Variants in PRKCD observed in about 807,000 individuals in gnomAD.
PRKCD encodes protein kinase C delta.
Under a neutral mutation model 82.2 loss-of-function variants are expected in PRKCD, and 20 were observed. The observed-to-expected ratio is 0.24, with a 90% CI of 0.17 to 0.35. The LOEUF is 0.35. Ranked by LOEUF, PRKCD falls within the 10% of genes least tolerant of loss-of-function variation. The pLI, the probability that PRKCD is intolerant of heterozygous loss-of-function variation, is 1.00. For missense variants in PRKCD, 607 were observed against 899.0 expected (o/e 0.68, Z 4.15); for synonymous variants, 317 against 337.0 (o/e 0.94, Z 0.65).
intron 1 of PRKCD, among the ~76,000 whole-genome samples, chr3:53,164,762 G>A (rs202084992): frequency 2.0e-5 from 3 of 152,002 alleles, no homozygotes. Context: ...GTGGTACTTT[G>A]TTGCACCCTA....
At position 53,188,716 on chromosome 3, in the gene PRKCD, T is replaced by G; in HGVS notation, c.1416-4T>G. The G allele has an allele frequency of 3.1e-6, 5 of 1,614,214 alleles. No individual in the cohort carries two copies. The highest frequency in any genetic ancestry group is 4.2e-6 in the Non-Finnish European group (5 of 1,180,026). ...GCTGACTCTTACCTGTCCCCTGTCCTTAGGGACCTCAAACTGGACAATGTG... is the reference window on the plus strand; with the variant it reads ...GCTGACTCTTACCTGTCCCCTGTCCGTAGGGACCTCAAACTGGACAATGTG... On this transcript the variant is annotated splice_polypyrimidine_tract_variant and splice_region_variant and intron_variant, in intron 15 of 18. Coordinates refer to ENST00000330452, the MANE Select transcript of PRKCD (RefSeq NM_006254.4).
In PRKCD at chr3:53,179,522, C is replaced by A. The variant is rs2035451; in HGVS notation, c.116-55C>A. 2.5e-6 allele frequency: 4 copies of A among 1,609,142 alleles called. No homozygotes were observed. In the Admixed American group the frequency reaches 6.7e-5, roughly 27 times the overall value. ...GCCAGGGGAAGGCCGTGGAGGTCTA[C>A]GAGGGAGGGACAGAGGGGCCATGGC... is the stretch of plus-strand genomic sequence containing the variant. On this transcript the variant is annotated intron_variant, in intron 3 of 18. Coordinates refer to ENST00000330452, the MANE Select transcript of PRKCD (RefSeq NM_006254.4).
chr3:53,185,845 C>T lies in PRKCD; in HGVS notation c.986-82C>T, dbSNP rs543725147. The T allele has an allele frequency of 5.2e-6, 8 of 1,546,512 alleles. No individual in the cohort carries two copies. In the South Asian group the frequency reaches 5.6e-5, roughly 11 times the overall value. On this transcript the variant is annotated intron_variant, in intron 11 of 18. Transcript: ENST00000330452. ...AGCCCCTTCCTCTCTGAGGCCCCTTCCCCCAGCCTACCCCAGGCCCCGGGG... is the reference window on the plus strand; with the variant it reads ...AGCCCCTTCCTCTCTGAGGCCCCTTTCCCCAGCCTACCCCAGGCCCCGGGG...
At chr3:53,191,367 C>T (rs9847580) in intron 18 of PRKCD, among the ~76,000 whole-genome samples, 21,595 of 152,170 alleles carry the variant, frequency 0.14, 1,640 homozygotes, top group Non-Finnish European at 0.16. Context: ...GAGATCGTGC[C>T]ACTGCACTCC....
At chr3:53,164,585 T>C (rs1702774721) in intron 1 of PRKCD, among the ~76,000 whole-genome samples, 1 of 141,594 alleles carries the variant, frequency 7.1e-6, no homozygotes, top group Non-Finnish European at 1.5e-5. Flanking sequence ...CCTGCCACAT[T>C]AAAAAAAAAA....
chr3:53,186,749 T>C (rs1575542506), intron 14 of PRKCD, 54 bp downstream of exon 14: 1 of 613,112 alleles, frequency 1.6e-6, no homozygotes, highest in East Asian at 3.3e-5. Context: ...GGCTACTGGC[T>C]CAGAGCCCAC....
rs782191905 is a variant in PRKCD, at chr3:53,184,855, CG to C, written c.788-18del. 2 of 1,611,616 alleles carry C rather than the reference CG, an allele frequency of 1.2e-6. No individual in the cohort carries two copies. The highest frequency in any genetic ancestry group is 2.2e-5 in the South Asian group (2 of 91,000). ...GGCTGAGCTCTGAGACTGACAGCCC[CG>C]CTTCTCCCTCACCCCAGACTGCGGC... is the stretch of plus-strand genomic sequence containing the variant. On this transcript the variant is annotated intron_variant, in intron 9 of 18. Transcript: ENST00000330452.
intron 16 of PRKCD, 94 bp downstream of exon 16, chr3:53,188,952 G>A: frequency 6.3e-7 from 1 of 1,585,158 alleles, no homozygotes; most frequent in Non-Finnish European, 8.6e-7. Context: ...TGATGTCCAA[G>A]CCAAAGCCCA....
rs1333103663 is a variant in PRKCD at position 53,179,589 on chromosome 3, C to T, written c.128C>T (p.Thr43Ile). Residue 43 changes from threonine to isoleucine, a missense_variant, in exon 4 of 19, where the codon ACA becomes ATA. By Grantham distance (89) the Thr-to-Ile change is moderately conservative. Transcript: ENST00000330452. ...GGCCTTGTTGCAGAGCGTGGGAAAA[C>T]ACTGGTGCAGAAGAAGCCGACCATG... ...KEALSTERGK[T>I]LVQKKPTMYP... 1 of 1,614,192 alleles carries T rather than the reference C, an allele frequency of 6.2e-7. No individual in the cohort carries two copies. The highest frequency in any genetic ancestry group is 1.3e-5 in the African/African-American group (1 of 75,048).
intron 2 of PRKCD, among the ~76,000 whole-genome samples, chr3:53,171,764 G>A (rs1330458134): frequency 6.6e-6 from 1 of 152,234 alleles, no homozygotes; most frequent in Non-Finnish European, 1.5e-5. Context: ...TGGGGGCTGG[G>A]AAATGAGACA....
At chr3:53,179,107 G>A (rs1178592711) in intron 3 of PRKCD, among the ~76,000 whole-genome samples, 1 of 152,186 alleles carries the variant, frequency 6.6e-6, no homozygotes, top group Non-Finnish European at 1.5e-5. Context: ...TGACCCTTAG[G>A]CTTGACCCTG....
Position 53,181,234 on chromosome 3 carries a change from T to A in PRKCD, c.343T>A (p.Leu115Met). Residue 115 changes from leucine to methionine, a missense_variant, in exon 5 of 19, where the codon TTG becomes ATG. Around this residue, in one of 5 missense-constraint regions of PRKCD, gnomAD observed 161 missense variants for 227.0 expected, o/e 0.71. Coordinates refer to ENST00000330452, the MANE Select transcript of PRKCD (RefSeq NM_006254.4). Reference sequence around the variant, plus strand: ...GGACCTGCAGCCTCAGGCCAAGGTGTTGATGTCTGTTCAGTATTTCCTGGA... The same window carrying A: ...GGACCTGCAGCCTCAGGCCAAGGTGATGATGTCTGTTCAGTATTTCCTGGA... The part of the protein sequence containing the change: ...WLDLQPQAKV[L>M]MSVQYFLEDV... The A allele has an allele frequency of 1.9e-6, 3 of 1,613,938 alleles. No individual in the cohort carries two copies. The highest frequency in any genetic ancestry group is 2.5e-6 in the Non-Finnish European group (3 of 1,179,904).
chr3:53,176,110 C>A (rs1243361021), intron 2 of PRKCD, among the ~76,000 whole-genome samples: 1 of 152,188 alleles, frequency 6.6e-6, no homozygotes, highest in Non-Finnish European at 1.5e-5. Context: ...CCCCAACTGG[C>A]CCTCTCTCCC....
At position 53,181,607 on chromosome 3, in the gene PRKCD, G is replaced by T; in HGVS notation, c.539+1G>T. Reference sequence around the variant, plus strand: ...GTTCTGTGTGCAAAGACTTTGTCTGGTGAGAACCGGCCATGCCCACTGGTG... The same window carrying T: ...GTTCTGTGTGCAAAGACTTTGTCTGTTGAGAACCGGCCATGCCCACTGGTG... On this transcript the variant is annotated splice_donor_variant, in intron 6 of 18. Transcript: ENST00000330452. LOFTEE classifies it high-confidence loss of function. The T allele has an allele frequency of 6.2e-7, 1 of 1,614,224 alleles. No homozygotes were observed. The highest frequency in any genetic ancestry group is 8.5e-7 in the Non-Finnish European group (1 of 1,180,034).
chr3:53,192,702 C>T lies in PRKCD; in HGVS notation c.*436C>T, dbSNP rs1471439209. 1 of 148,734 alleles carries T rather than the reference C, an allele frequency of 6.7e-6. No individual in the cohort carries two copies. The highest frequency in any genetic ancestry group is 2.5e-5 in the African/African-American group (1 of 40,198). The allele number at this position is 148,734 out of a possible 1,614,324, so 9.2% of individuals were successfully genotyped here. A position where few individuals can be genotyped will look rare whatever the true frequency, so the allele number is the denominator to read the frequency against. ...AGGTTTATTTGTGTGTCTAAATAAA[C>T]ACCAAATAGTACCAACCTGGTTGTC... On this transcript the variant is annotated 3_prime_UTR_variant, in exon 19 of 19. Coordinates refer to ENST00000330452, the MANE Select transcript of PRKCD (RefSeq NM_006254.4).
chr3:53,163,360 G>A (rs1424660092), intron 1 of PRKCD, among the ~76,000 whole-genome samples: 1 of 151,770 alleles, frequency 6.6e-6, no homozygotes, highest in South Asian at 2.1e-4. Flanking sequence ...GGGAGGGAAG[G>A]TGAGAGCCCA....
intron 5 of PRKCD, 67 bp from the exon 6 acceptor site, chr3:53,181,377 G>A: frequency 6.2e-7 from 1 of 1,610,744 alleles, no homozygotes; most frequent in East Asian, 2.2e-5. Context: ...GACCACCCTG[G>A]GAGGGACTGT....
intron 7 of PRKCD, among the ~76,000 whole-genome samples, chr3:53,182,426 G>T (rs1239673288): frequency 6.6e-6 from 1 of 152,020 alleles, no homozygotes. Flanking sequence ...GCACCACCAT[G>T]CCCGGCTAAT....
chr3:53,192,433 T>A lies in PRKCD; in HGVS notation c.*167T>A, dbSNP rs545110385. 1.2e-5 allele frequency: 8 copies of A among 668,762 alleles called. No individual in the cohort carries two copies. The South Asian group carries it at 1.5e-4, about 13-fold the overall frequency. 41.4% of individuals were successfully genotyped at this position (668,762 alleles called of 1,614,324 possible). A position where few individuals can be genotyped will look rare whatever the true frequency, so the allele number is the denominator to read the frequency against. The stretch of plus-strand genomic sequence containing the variant: ...CTCTCATGGTACTTCCTCTGTGAAC[T>A]GTGTGTGAATCTGCTTTTCCTCTGC... On this transcript the variant is annotated 3_prime_UTR_variant, in exon 19 of 19. Transcript: ENST00000330452.
Sources: allele counts gnomAD v4.1 joint callset (sites outside exome capture counted in the v4.1 genomes callset), GRCh38; gene constraint gnomAD v4.1.1; regional missense constraint gnomAD v4.1.1; transcripts MANE v1.5; gene names NCBI Gene and HGNC (gene_info 2026-07-23, HGNC 2026-07-21).